The following SVIL variants were observed in gnomAD, a reference collection of about 807,000 sequenced individuals.
SVIL encodes the protein supervillin.
SVIL carries 101 observed loss-of-function variants against 240.4 expected under a neutral mutation model. The observed-to-expected ratio is 0.42, with a 90% CI of 0.36 to 0.50. SVIL has a LOEUF of 0.50. SVIL is among the 20% of genes least tolerant of loss of function. The pLI, the probability that SVIL is intolerant of heterozygous loss-of-function variation, is 0.01. For missense variants in SVIL, 2,512 were observed against 2,818.7 expected, an observed-to-expected ratio of 0.89 and a Z score of 2.46; for synonymous variants, 999 against 1,100.0, an observed-to-expected ratio of 0.91 and a Z score of 1.82.
chr10:29,533,271 C>T lies in SVIL; in HGVS notation c.1096G>A (p.Gly366Ser). The change falls in exon 8 of 38, where the codon GGC becomes AGC. Residue 366 changes from glycine (G) to serine (S), a missense_variant. Gly to Ser is a moderately conservative substitution (Grantham distance 56, BLOSUM62 0). Around this residue, in one of 3 missense-constraint regions of SVIL, gnomAD observed 1,443 missense variants for 1,486.6 expected, o/e 0.97. Coordinates refer to ENST00000355867, the MANE Select transcript of SVIL (RefSeq NM_021738.3). ...CCGGTATCTGCGGGTTGGACATAGC[C>T]ACGGATTGGCTGTCGTGTAGAGCCT... ...AAGSTRQPIR[G>S]YVQPADTGHT... 6.2e-6 allele frequency: 10 copies of T among 1,614,062 alleles called. No homozygotes were observed. The highest frequency in any genetic ancestry group is 8.5e-6 in the Non-Finnish European group (10 of 1,180,016).
At chr10:29,668,510 G>T (rs1358178133) in intron 2 of SVIL, among the ~76,000 whole-genome samples, 1 of 152,142 alleles carries the variant, frequency 6.6e-6, no homozygotes, top group African/African-American at 2.4e-5. Flanking sequence ...GTCTCACTCT[G>T]TTGCCCAGGC....
intron 3 of SVIL, among the ~76,000 whole-genome samples, chr10:29,560,064 T>C (rs910920547): frequency 1.3e-5 from 2 of 152,166 alleles, no homozygotes; most frequent in East Asian, 1.9e-4. Context: ...GCAGGGGTAC[T>C]GCCAAGAACA....
chr10:29,544,964 C>T (rs1168571363), intron 6 of SVIL: 1 of 533,434 alleles, frequency 1.9e-6, no homozygotes, highest in Non-Finnish European at 3.8e-6. Context: ...GAGGAGGACC[C>T]AGATGTCTGT....
At chr10:29,611,711 G>T (rs1055206179) in intron 1 of SVIL, among the ~76,000 whole-genome samples, 1 of 152,162 alleles carries the variant, frequency 6.6e-6, no homozygotes, top group African/African-American at 2.4e-5. Flanking sequence ...AATCGTGCAG[G>T]TGAGGCAAAG....
At chr10:29,473,518 T>C in intron 30 of SVIL, 1 of 353,202 alleles carries the variant, frequency 2.8e-6, no homozygotes. Flanking sequence ...TGATGGCATC[T>C]CTTTGTTTTA....
Position 29,523,552 on chromosome 10 carries a change from G to C in SVIL, c.3062C>G (p.Ala1021Gly), listed in dbSNP as rs1439806653. 11 of 1,614,046 alleles carry C rather than the reference G, an allele frequency of 6.8e-6. No individual in the cohort carries two copies. Among genetic ancestry groups the C allele is most frequent in the Non-Finnish European group, 9.3e-6 (11 of 1,180,044 alleles). The change falls in exon 15 of 38, where the codon GCT becomes GGT. Residue 1021 changes from alanine to glycine, a missense_variant. Around this residue, in one of 3 missense-constraint regions of SVIL, gnomAD observed 1,443 missense variants for 1,486.6 expected, o/e 0.97. Transcript: ENST00000355867. ...CAAGTTTCCTTGTGCATTCATTTTA[G>C]CCATGGAAAATTCCTTCGGTTCATC... ...LGDEPKEFSMAKMNAQGNLDL... is the reference protein window; with the variant it reads ...LGDEPKEFSMGKMNAQGNLDL...
chr10:29,641,940 A>G (rs1958498478), intron 3 of SVIL, among the ~76,000 whole-genome samples: 1 of 152,232 alleles, frequency 6.6e-6, no homozygotes, highest in Non-Finnish European at 1.5e-5. Flanking sequence ...CCTGTTGGGT[A>G]CATTCCAAAG....
At chr10:29,623,654 T>C (rs1957751237) in intron 1 of SVIL, among the ~76,000 whole-genome samples, 1 of 152,134 alleles carries the variant, frequency 6.6e-6, no homozygotes, top group South Asian at 2.1e-4. Flanking sequence ...ATTGAGACCA[T>C]CCTGGCTAAC....
chr10:29,656,791 C>A (rs1959020196), intron 3 of SVIL, among the ~76,000 whole-genome samples: 2 of 152,192 alleles, frequency 1.3e-5, no homozygotes, highest in Admixed American at 1.3e-4. Flanking sequence ...CCAATTAAAG[C>A]CTTCTTCCTT....
chr10:29,644,466 C>T (rs554736235), intron 3 of SVIL, among the ~76,000 whole-genome samples: 12 of 152,216 alleles, frequency 7.9e-5, no homozygotes, highest in African/African-American at 2.4e-4. Context: ...AGGTTCCATT[C>T]TCATCTTCCT....
At chr10:29,518,821 A>G (rs992829348) in intron 16 of SVIL, among the ~76,000 whole-genome samples, 1 of 152,194 alleles carries the variant, frequency 6.6e-6, no homozygotes, top group Non-Finnish European at 1.5e-5. Context: ...GTGCCTCTGC[A>G]CTCCAGCCTG....
intron 3 of SVIL, among the ~76,000 whole-genome samples, chr10:29,640,554 G>C (rs764177699): frequency 4.6e-5 from 7 of 152,116 alleles, no homozygotes; most frequent in Admixed American, 2.6e-4. Context: ...AGCATCTCAC[G>C]GGAACATGGA....
intron 1 of SVIL, among the ~76,000 whole-genome samples, chr10:29,593,083 C>T (rs1956450951): frequency 6.6e-6 from 1 of 151,850 alleles, no homozygotes; most frequent in South Asian, 2.1e-4. Context: ...AGACTGTGGC[C>T]CTAATCTGCG....
intron 1 of SVIL, among the ~76,000 whole-genome samples, chr10:29,574,976 G>A (rs533767595): frequency 1.3e-5 from 2 of 152,348 alleles, no homozygotes; most frequent in Non-Finnish European, 2.9e-5. Flanking sequence ...GTCCCTGGTG[G>A]GGTGTGGGTG....
At chr10:29,545,853 CAAAAAAAAA>C (rs755360700) in intron 6 of SVIL, among the ~76,000 whole-genome samples, 26 of 63,598 alleles carry the variant, frequency 4.1e-4, no homozygotes, top group African/African-American at 5.5e-4. Flanking sequence ...GACTCTGTCT[CAAAAAAAAA>C]AAAAAAAAAA....
At chr10:29,512,703 C>T (rs764116715) in intron 17 of SVIL, 32 bp downstream of exon 17, 30 of 1,613,870 alleles carry the variant, frequency 1.9e-5, no homozygotes, top group East Asian at 6.7e-5. Context: ...TGATGTTAGT[C>T]GGAAGGCTTT....
rs199543285 is a variant in SVIL at position 29,594,264 on chromosome 10, T to TA, written c.-200-24953dup. Among the ~76,000 whole-genome samples the TA allele has an allele frequency of 5.8e-3, 511 of 88,804 alleles. 4 individuals are homozygous for TA. The highest frequency in any genetic ancestry group is 0.022 in the African/African-American group (483 of 22,314). 58.3% of individuals were successfully genotyped at this position (88,804 alleles called of 152,430 possible). ...TTATGTACATGCAAATATTCCAAAA[T>TA]AAAAAAAAATTCTAAGATCTGAAAC... On this transcript the variant is annotated intron_variant, in intron 1 of 37. Coordinates refer to ENST00000355867, the MANE Select transcript of SVIL (RefSeq NM_021738.3).
chr10:29,488,043 A>C (rs905233337), intron 23 of SVIL, among the ~76,000 whole-genome samples: 1 of 152,140 alleles, frequency 6.6e-6, no homozygotes, highest in African/African-American at 2.4e-5. Flanking sequence ...TCTCCTCCTC[A>C]TGGCCCAGAG....
chr10:29,538,005 G>A (rs533889148), intron 6 of SVIL, among the ~76,000 whole-genome samples: 208 of 152,318 alleles, frequency 1.4e-3, no homozygotes, highest in Middle Eastern at 6.8e-3. Flanking sequence ...AGAGTTTGGC[G>A]CATCGCCTGC....
Sources: allele counts gnomAD v4.1 joint callset (sites outside exome capture counted in the v4.1 genomes callset), GRCh38; gene constraint gnomAD v4.1.1; regional missense constraint gnomAD v4.1.1; transcripts MANE v1.5; gene names NCBI Gene and HGNC (gene_info 2026-07-23, HGNC 2026-07-21).